The following HHLA1 variants were observed in gnomAD, a reference collection of about 807,000 sequenced individuals.
HHLA1 encodes HHLA1 neighbor of OC90, also known as HERV-H LTR-associating protein 1.
HHLA1 carries 72 observed loss-of-function variants against 69.9 expected under a neutral mutation model. The ratio of observed to expected loss-of-function variants is 1.03; its 90% CI spans 0.85 to 1.25. The LOEUF is 1.25. Among genes scored for constraint, HHLA1 ranks in the 50% most tolerant of loss-of-function variants. HHLA1 has a pLI of 0.00. For missense variants in HHLA1, 685 were observed against 642.2 expected, an observed-to-expected ratio of 1.07 and a Z score of -0.72; for synonymous variants, 252 against 233.2, an observed-to-expected ratio of 1.08 and a Z score of -0.73.
intron 8 of HHLA1, among the ~76,000 whole-genome samples, chr8:132,088,704 A>C (rs955713806): frequency 3.9e-5 from 6 of 152,248 alleles, no homozygotes; most frequent in Non-Finnish European, 7.3e-5. Flanking sequence ...GGATAGTGAC[A>C]TAAGAGCACA....
At chr8:132,095,204 C>G (rs1200564202) in intron 7 of HHLA1, among the ~76,000 whole-genome samples, 1 of 152,208 alleles carries the variant, frequency 6.6e-6, no homozygotes, top group East Asian at 1.9e-4. Flanking sequence ...TTTGAGCACT[C>G]TCACTCATTT....
chr8:132,106,060 C>T (rs1824197389), intron 1 of HHLA1, among the ~76,000 whole-genome samples: 1 of 152,142 alleles, frequency 6.6e-6, no homozygotes. Flanking sequence ...ACATTGAACA[C>T]TATCTGATGC....
intron 4 of HHLA1, among the ~76,000 whole-genome samples, chr8:132,099,611 T>C (rs1489468998): frequency 6.6e-6 from 1 of 152,170 alleles, no homozygotes; most frequent in Non-Finnish European, 1.5e-5. Flanking sequence ...CCCAGCACTT[T>C]GGGAGGCTGA....
chr8:132,067,823 A>C (rs530495805), intron 15 of HHLA1, among the ~76,000 whole-genome samples: 35 of 152,238 alleles, frequency 2.3e-4, no homozygotes, highest in Non-Finnish European at 4.3e-4. Context: ...GACTATACCC[A>C]TTTTGTAGAT....
At position 132,084,892 on chromosome 8, in the gene HHLA1, T is replaced by C. The variant is rs370415240; in HGVS notation, c.676+2761A>G. Among the ~76,000 whole-genome samples, 866 of 151,638 alleles carry C rather than the reference T, an allele frequency of 5.7e-3. 7 individuals are homozygous for C. Among genetic ancestry groups the C allele is most frequent in the African/African-American group, 0.02 (835 of 41,238 alleles). ...AAGCGATTGGGGGGTTCTTGCCGCC[T>C]AGGAAAGCAGGACTTGCCGCTAAGG... On this transcript the variant is annotated intron_variant, in intron 10 of 16. Coordinates refer to ENST00000414222, the MANE Select transcript of HHLA1 (RefSeq NM_001145095.3).
At chr8:132,071,952 G>A (rs1053128689) in intron 14 of HHLA1, among the ~76,000 whole-genome samples, 5 of 152,032 alleles carry the variant, frequency 3.3e-5, no homozygotes, top group South Asian at 4.1e-4. Context: ...ATATGTATGT[G>A]CATGCATGTG....
In HHLA1 at chr8:132,065,133, G is replaced by T. The variant is rs1168917757; in HGVS notation, c.1552+753C>A. Among the ~76,000 whole-genome samples the T allele has an allele frequency of 4.6e-5, 7 of 152,280 alleles. No individual in the cohort carries two copies. The East Asian group carries it at 1.4e-3, about 29-fold the overall frequency. ...TTGCAGAAGTGAGAGATAAAAAAAA[G>T]CTGATACTGGAATATCTGGAAATAA... On this transcript the variant is annotated intron_variant, in intron 16 of 16. Transcript: ENST00000414222.
At chr8:132,087,551 T>C (rs1338741420) in intron 10 of HHLA1, 102 bp downstream of exon 10, 6 of 701,704 alleles carry the variant, frequency 8.6e-6, no homozygotes, top group East Asian at 5.4e-5. Flanking sequence ...TAATACAGTA[T>C]AGCGAAACAC....
At chr8:132,089,221 TG>T (rs750470717) in intron 8 of HHLA1, among the ~76,000 whole-genome samples, 27 of 152,158 alleles carry the variant, frequency 1.8e-4, no homozygotes, top group Non-Finnish European at 3.2e-4. Context: ...CTCCTTAAAA[TG>T]GGGGTATATC....
intron 15 of HHLA1, among the ~76,000 whole-genome samples, chr8:132,069,219 T>C (rs1823489584): frequency 6.6e-6 from 1 of 152,204 alleles, no homozygotes; most frequent in Non-Finnish European, 1.5e-5. Context: ...TTCTTTTGCC[T>C]GGAAAACTCC....
At chr8:132,095,639 A>G (rs1824011073) in intron 6 of HHLA1, 37 bp from the exon 7 acceptor site, 1 of 1,532,160 alleles carries the variant, frequency 6.5e-7, no homozygotes. Flanking sequence ...ATCCTAACAC[A>G]CAGACCAGCC....
intron 11 of HHLA1, among the ~76,000 whole-genome samples, chr8:132,078,908 G>A (rs1325182674): frequency 6.8e-6 from 1 of 147,764 alleles, no homozygotes. Flanking sequence ...ACTCTTTTTT[G>A]TTTGTTTGTT....
intron 1 of HHLA1, 50 bp from the exon 2 acceptor site, chr8:132,105,336 C>A: frequency 8.5e-7 from 1 of 1,176,168 alleles, no homozygotes; most frequent in South Asian, 1.3e-5. Context: ...TGGATGCAGA[C>A]CTTCCTTTGA....
chr8:132,080,808 G>C (rs1486318526), intron 10 of HHLA1: 3 of 152,174 alleles, frequency 2.0e-5, no homozygotes, highest in Admixed American at 2.0e-4. Flanking sequence ...TGCTTCAAGC[G>C]GGATTAGGGG....
At chr8:132,087,478 C>T (rs1395466993) in intron 10 of HHLA1, among the ~76,000 whole-genome samples, 175 bp downstream of exon 10, 1 of 152,076 alleles carries the variant, frequency 6.6e-6, no homozygotes, top group Non-Finnish European at 1.5e-5. Context: ...TCTAGAATTG[C>T]CAGACCTTTT....
At chr8:132,069,922 C>T (rs1206045202) in intron 15 of HHLA1, 3 of 152,814 alleles carry the variant, frequency 2.0e-5, no homozygotes, top group Non-Finnish European at 4.2e-5. Context: ...AAAGTATTGT[C>T]GTAAAAGTTT....
intron 7 of HHLA1, among the ~76,000 whole-genome samples, chr8:132,094,465 T>G (rs1823990851): frequency 6.6e-6 from 1 of 152,208 alleles, no homozygotes; most frequent in Non-Finnish European, 1.5e-5. Context: ...AGCTCTGTCC[T>G]GGCTAACCTG....
At position 132,065,882 on chromosome 8, in the gene HHLA1, T is replaced by C; in HGVS notation, c.1552+4A>G. 7.8e-7 allele frequency: 1 copy of C among 1,284,222 alleles called. No individual in the cohort carries two copies. Among genetic ancestry groups the C allele is most frequent in the Non-Finnish European group, 1.0e-6 (1 of 969,682 alleles). The allele number at this position is 1,284,222 out of a possible 1,614,324, so 79.6% of individuals were successfully genotyped here. A position where few individuals can be genotyped will look rare whatever the true frequency, so the allele number is the denominator to read the frequency against. On this transcript the variant is annotated splice_donor_region_variant and intron_variant, in intron 16 of 16. Transcript: ENST00000414222. ...GTTACAACATAGTCAAGCTGTGTAC[T>C]TACTGTGCGAGTGGGACACCCTTTT... is the stretch of plus-strand genomic sequence containing the variant.
rs1455055931 is a variant in HHLA1, at chr8:132,087,671, C to A, written c.658G>T (p.Gly220Cys). ...YPIINYTFTSGLSGVLGAATR... is the reference protein window; with the variant it reads ...YPIINYTFTSCLSGVLGAATR... ...TACTCACCCAGAACACCAGACAAGC[C>A]GCTGGTAAATGTGTAATTGATAATG... Residue 220 changes from glycine (G) to cysteine (C), a missense_variant, in exon 10 of 17, where the codon GGC (glycine) becomes TGC (cysteine). By Grantham distance (159) the Gly-to-Cys change is radical. Transcript: ENST00000414222. 4 of 1,550,852 alleles carry A rather than the reference C, an allele frequency of 2.6e-6. No homozygotes were observed. In the East Asian group the frequency reaches 9.8e-5, roughly 38 times the overall value.
Sources: gnomAD v4.1 joint callset for allele counts (sites outside exome capture counted in the v4.1 genomes callset) on GRCh38, gnomAD v4.1.1 for gene constraint, MANE v1.5 for transcripts, NCBI Gene and HGNC (gene_info 2026-07-23, HGNC 2026-07-21) for gene names.